FAM13A: variants seen among roughly 807,000 people sequenced by gnomAD.
The protein encoded by FAM13A is protein FAM13A.
FAM13A carries 76 observed loss-of-function variants against 129.6 expected under a neutral mutation model. That is an observed-to-expected ratio of 0.59 (90% CI 0.49 to 0.71). The LOEUF (loss-of-function observed/expected upper bound fraction) is 0.71, where lower values mean the gene tolerates loss of function less well. FAM13A is among the 30% of genes least tolerant of loss of function. The probability of loss-of-function intolerance (pLI) is 0.00; values close to 1 mark genes in which losing one functional copy is unlikely to be tolerated. For missense variants in FAM13A, 1,108 were observed against 1,249.3 expected, an observed-to-expected ratio of 0.89 and a Z score of 1.70; for synonymous variants, 443 against 449.9, an observed-to-expected ratio of 0.98 and a Z score of 0.20.
intron 10 of FAM13A, among the ~76,000 whole-genome samples, chr4:88,783,314 T>A (rs1723316041): frequency 6.6e-6 from 1 of 152,162 alleles, no homozygotes. Flanking sequence ...TTTATTTATT[T>A]TTTGAGACAG....
At chr4:88,734,585 T>C (rs998533331) in intron 21 of FAM13A, among the ~76,000 whole-genome samples, 7 of 152,230 alleles carry the variant, frequency 4.6e-5, no homozygotes, top group African/African-American at 1.7e-4. Flanking sequence ...CAGGGCCATA[T>C]GCCAGGGCCA....
At chr4:89,028,349 C>T (rs555050933) in intron 2 of FAM13A, among the ~76,000 whole-genome samples, 31 of 151,954 alleles carry the variant, frequency 2.0e-4, no homozygotes, top group African/African-American at 7.5e-4. Context: ...GGGGGGATTA[C>T]TGTACAGAAT....
chr4:88,857,220 A>T (rs757382171), intron 6 of FAM13A, among the ~76,000 whole-genome samples: 3 of 152,198 alleles, frequency 2.0e-5, no homozygotes, highest in Non-Finnish European at 4.4e-5. Flanking sequence ...AACTAATTAA[A>T]ATCTCATCTT....
intron 4 of FAM13A, among the ~76,000 whole-genome samples, chr4:88,983,905 T>A (rs1004594177): frequency 1.3e-5 from 2 of 152,140 alleles, no homozygotes; most frequent in African/African-American, 4.8e-5. Flanking sequence ...TAAAACTCAT[T>A]AAAAAGCTAT....
In FAM13A at chr4:88,728,140, T is replaced by TAGAC. The variant is rs757927328; in HGVS notation, c.*389_*392dup. 3 of 179,674 alleles carry TAGAC rather than the reference T, an allele frequency of 1.7e-5. No homozygotes were observed. Among genetic ancestry groups the TAGAC allele is most frequent in the African/African-American group, 7.1e-5 (3 of 42,518 alleles). The allele number at this position is 179,674 out of a possible 1,614,324, so 11.1% of individuals were successfully genotyped here. ...GTCCTGAGCTTGTTTTTATCACAGT[T>TAGAC]AGACAGAGAATGGTCTCTTGTTTCT... On this transcript the variant is annotated 3_prime_UTR_variant, in exon 24 of 24. Coordinates refer to ENST00000264344, the MANE Select transcript of FAM13A (RefSeq NM_014883.4).
Position 89,025,259 on chromosome 4 carries a change from T to C in FAM13A, c.217+4201A>G, listed in dbSNP as rs922021320. Among the ~76,000 whole-genome samples, 3 of 119,708 alleles carry C rather than the reference T, an allele frequency of 2.5e-5. No homozygotes were observed. In the East Asian group the frequency reaches 6.7e-4, roughly 27 times the overall value. The allele number at this position is 119,708 out of a possible 152,430, so 78.5% of individuals were successfully genotyped here. A position where few individuals can be genotyped will look rare whatever the true frequency, so the allele number is the denominator to read the frequency against. On this transcript the variant is annotated intron_variant, in intron 2 of 23. Coordinates refer to ENST00000264344, the MANE Select transcript of FAM13A (RefSeq NM_014883.4). ...ATGGAATCATTGTTTTTTTTTTTTT[T>C]TTTTTTTTTTTTTTTTGAGACGGAG...
intron 23 of FAM13A, 180 bp from the exon 24 acceptor site, chr4:88,728,839 T>C (rs1736936332): frequency 3.3e-6 from 2 of 612,052 alleles, no homozygotes; most frequent in African/African-American, 3.7e-5. Flanking sequence ...ATGAAAATGT[T>C]TCACCCAGAA....
At chr4:88,966,766 T>C (rs1759405586) in intron 4 of FAM13A, among the ~76,000 whole-genome samples, 2 of 152,148 alleles carry the variant, frequency 1.3e-5, no homozygotes, top group South Asian at 2.1e-4. Flanking sequence ...TAAAATTAAA[T>C]CAGAAATGTT....
At chr4:88,765,774 T>G (rs1180797235) in intron 13 of FAM13A, among the ~76,000 whole-genome samples, 1 of 152,194 alleles carries the variant, frequency 6.6e-6, no homozygotes. Context: ...AAAGGTGACA[T>G]GGAGAGCTTA....
intron 3 of FAM13A, among the ~76,000 whole-genome samples, chr4:89,008,329 T>C (rs114903873): frequency 0.016 from 2,408 of 152,212 alleles, 67 homozygotes; most frequent in African/African-American, 0.055. Flanking sequence ...CCTGATCAAA[T>C]AGGGCTGGTG....
intron 1 of FAM13A, among the ~76,000 whole-genome samples, chr4:89,035,077 C>A (rs917671513): frequency 1.4e-4 from 21 of 152,214 alleles, no homozygotes; most frequent in African/African-American, 4.3e-4. Context: ...GTCCTCTGGA[C>A]ATGGATGCAG....
At chr4:88,832,888 C>A (rs573644020) in intron 7 of FAM13A, among the ~76,000 whole-genome samples, 3 of 152,160 alleles carry the variant, frequency 2.0e-5, no homozygotes, top group African/African-American at 7.2e-5. Context: ...GGTATATACA[C>A]CCCAAAATAT....
chr4:89,041,412 C>T (rs536631975), intron 1 of FAM13A, among the ~76,000 whole-genome samples: 4 of 152,080 alleles, frequency 2.6e-5, no homozygotes, highest in East Asian at 3.9e-4. Context: ...CCATTTATGC[C>T]GAAGGTTGCA....
intron 6 of FAM13A, among the ~76,000 whole-genome samples, chr4:88,888,936 CAA>C (rs896287129): frequency 5.3e-4 from 35 of 65,534 alleles, no homozygotes; most frequent in Non-Finnish European, 4.2e-4. Context: ...ACTCCGTCTC[CAA>C]AAAAAAAAAA....
intron 6 of FAM13A, among the ~76,000 whole-genome samples, chr4:88,866,727 T>A (rs59252891): frequency 0.091 from 13,870 of 152,100 alleles, 1,090 homozygotes; most frequent in African/African-American, 0.22. Flanking sequence ...GCCCTATGCT[T>A]GATAGTTTGT....
At chr4:89,024,227 T>C (rs906537593) in intron 2 of FAM13A, among the ~76,000 whole-genome samples, 1 of 152,114 alleles carries the variant, frequency 6.6e-6, no homozygotes, top group Non-Finnish European at 1.5e-5. Context: ...GCCAGGGAAG[T>C]AGTATGACAA....
chr4:89,033,552 T>C (rs1355107902), intron 1 of FAM13A, among the ~76,000 whole-genome samples: 1 of 152,224 alleles, frequency 6.6e-6, no homozygotes, highest in African/African-American at 2.4e-5. Flanking sequence ...GTGCACTTGC[T>C]AGAAATGAGA....
At chr4:88,807,218 G>A (rs1239050910) in intron 7 of FAM13A, among the ~76,000 whole-genome samples, 1 of 152,114 alleles carries the variant, frequency 6.6e-6, no homozygotes, top group Non-Finnish European at 1.5e-5. Flanking sequence ...GATTTAAATG[G>A]TTCAGGGCTC....
intron 6 of FAM13A, among the ~76,000 whole-genome samples, chr4:88,901,637 C>A (rs906567948): frequency 9.2e-5 from 14 of 152,012 alleles, no homozygotes; most frequent in African/African-American, 3.4e-4. Flanking sequence ...TCAGCTAAAG[C>A]AGTGGTAAGA....
Sources: allele counts gnomAD v4.1 joint callset (sites outside exome capture counted in the v4.1 genomes callset), GRCh38; gene constraint gnomAD v4.1.1; transcripts MANE v1.5; gene names NCBI Gene and HGNC (gene_info 2026-07-23, HGNC 2026-07-21).